The following SPINK2 variants were observed in gnomAD, a reference collection of about 807,000 sequenced individuals.
The protein encoded by SPINK2 is serine protease inhibitor Kazal-type 2.
Under a neutral mutation model 13.5 loss-of-function variants are expected in SPINK2, and 8 were observed. The ratio of observed to expected loss-of-function variants is 0.59; its 90% CI spans 0.35 to 1.07. The LOEUF (loss-of-function observed/expected upper bound fraction) is 1.07, where lower values mean the gene tolerates loss of function less well. Ranked by LOEUF, SPINK2 falls within the 50% of genes least tolerant of loss-of-function variation. The pLI, the probability that SPINK2 is intolerant of heterozygous loss-of-function variation, is 0.02. For missense variants in SPINK2, 148 were observed against 180.3 expected (o/e 0.82, Z 1.03); for synonymous variants, 76 against 74.7 (o/e 1.02, Z -0.09).
intron 2 of SPINK2, among the ~76,000 whole-genome samples, chr4:56,813,406 G>A (rs112342541): frequency 0.02 from 3,014 of 152,158 alleles, 38 homozygotes; most frequent in Middle Eastern, 0.044. Context: ...TCTAGAGCAG[G>A]GGTTTCCAAC....
chr4:56,815,558 G>A (rs1457761887), intron 2 of SPINK2, among the ~76,000 whole-genome samples: 2 of 151,964 alleles, frequency 1.3e-5, no homozygotes, highest in African/African-American at 4.8e-5. Flanking sequence ...AAATTAGCCA[G>A]GCGTGGTGGC....
chr4:56,815,039 C>A (rs2899072), intron 2 of SPINK2, among the ~76,000 whole-genome samples: 96,834 of 150,336 alleles, frequency 0.64, 31,794 homozygotes, highest in African/African-American at 0.75. Context: ...GAGCCAAGAT[C>A]ACTCCATTGC....
chr4:56,813,183 G>A (rs538683219), intron 2 of SPINK2, among the ~76,000 whole-genome samples: 1 of 152,062 alleles, frequency 6.6e-6, no homozygotes, highest in East Asian at 1.9e-4. Flanking sequence ...ATTAGCTGGG[G>A]GTGGTGGCGC....
Position 56,821,529 on chromosome 4 carries a change from C to T in SPINK2, c.134G>A (p.Cys45Tyr). 2 of 1,545,148 alleles carry T rather than the reference C, an allele frequency of 1.3e-6. No homozygotes were observed. Among genetic ancestry groups the T allele is most frequent in the Non-Finnish European group, 1.7e-6 (2 of 1,146,534 alleles). Reference sequence around the variant, plus strand: ...GTCGCCGAGGCCGCCCGGAGCAGGGCAGGGTCCGCCGCCGGTCTGACTCCC... The same window carrying T: ...GTCGCCGAGGCCGCCCGGAGCAGGGTAGGGTCCGCCGCCGGTCTGACTCCC... ...GFGSQTGGGP[C>Y]PAPGGLGDGT... Residue 45 changes from cysteine (C) to tyrosine (Y), a missense_variant, in exon 1 of 4, where the codon TGC (cysteine) becomes TAC (tyrosine). Physicochemically the swap from Cys to Tyr is radical, Grantham distance 194. Coordinates refer to ENST00000506738, the MANE Select transcript of SPINK2 (RefSeq NM_001271718.2).
At chr4:56,812,975 C>T (rs969666984) in intron 2 of SPINK2, among the ~76,000 whole-genome samples, 11 of 152,178 alleles carry the variant, frequency 7.2e-5, no homozygotes, top group Admixed American at 2.6e-4. Flanking sequence ...ACTTCCTCTC[C>T]ACTCTCTGGA....
At chr4:56,819,866 C>T (rs1717785783) in intron 2 of SPINK2, among the ~76,000 whole-genome samples, 2 of 152,104 alleles carry the variant, frequency 1.3e-5, no homozygotes, top group South Asian at 2.1e-4. Context: ...CTGCCCACCT[C>T]GGCCTCCCAA....
In SPINK2 at chr4:56,812,427, T is replaced by C. The variant is rs190969883; in HGVS notation, c.250-633A>G. 2.6e-5 allele frequency among the ~76,000 whole-genome samples: 4 copies of C among 151,202 alleles called. No homozygotes were observed. The East Asian group carries it at 8.0e-4, about 30-fold the overall frequency. On this transcript the variant is annotated intron_variant, in intron 2 of 3. Transcript: ENST00000506738. The stretch of plus-strand genomic sequence containing the variant: ...AAAATTAGCCGGGCACGGTGGCGCA[T>C]GCCTGTAATCCCAGCTACTCGGGAG...
chr4:56,810,093 G>C lies in SPINK2; in HGVS notation c.*46C>G. ...AGGGGAAATGCAATTTATCTAGTCT[G>C]CCAGTGAAGGTGGTCTCTCCATCTT... is the stretch of plus-strand genomic sequence containing the variant. On this transcript the variant is annotated 3_prime_UTR_variant, in exon 4 of 4. Coordinates refer to ENST00000506738, the MANE Select transcript of SPINK2 (RefSeq NM_001271718.2). The C allele has an allele frequency of 2.5e-6, 4 of 1,572,598 alleles. No individual in the cohort carries two copies. The highest frequency in any genetic ancestry group is 3.5e-6 in the Non-Finnish European group (4 of 1,159,032).
At chr4:56,818,884 C>T (rs1717688123) in intron 2 of SPINK2, among the ~76,000 whole-genome samples, 1 of 152,140 alleles carries the variant, frequency 6.6e-6, no homozygotes, top group South Asian at 2.1e-4. Flanking sequence ...GAAGACTGAG[C>T]AACAAATAGC....
chr4:56,821,472 G>A lies in SPINK2; in HGVS notation c.191C>T (p.Pro64Leu). 6.5e-7 allele frequency: 1 copy of A among 1,528,782 alleles called. No homozygotes were observed. The highest frequency in any genetic ancestry group is 8.8e-7 in the Non-Finnish European group (1 of 1,142,788). 94.7% of individuals were successfully genotyped at this position (1,528,782 alleles called of 1,614,324 possible). A position where few individuals can be genotyped will look rare whatever the true frequency, so the allele number is the denominator to read the frequency against. Reference protein sequence around the residue: ...GTRAPVTGGSPEDLPASLIPQ... With the variant: ...GTRAPVTGGSLEDLPASLIPQ... ...CGTTCCTCCACCTGGCAGGTCCTCT[G>A]GGGAACCGCCAGTAACGGGCGCGCG... Residue 64 changes from proline (P) to leucine (L), a missense_variant, in exon 1 of 4, where the codon CCA becomes CTA. Pro to Leu is a moderately conservative substitution (Grantham distance 98). Coordinates refer to ENST00000506738, the MANE Select transcript of SPINK2 (RefSeq NM_001271718.2).
intron 1 of SPINK2, 179 bp downstream of exon 1, chr4:56,821,279 T>A: frequency 1.0e-6 from 1 of 984,722 alleles, no homozygotes; most frequent in Non-Finnish European, 1.2e-6. Flanking sequence ...ATCTCCTCCC[T>A]TGGGACCATA....
At chr4:56,821,252 A>G in intron 1 of SPINK2, 3 of 965,482 alleles carry the variant, frequency 3.1e-6, no homozygotes, top group Non-Finnish European at 3.7e-6. Flanking sequence ...AGCATCCACA[A>G]TTCCTCATTC....
intron 2 of SPINK2, among the ~76,000 whole-genome samples, chr4:56,816,931 G>A (rs2109441004): frequency 6.6e-6 from 1 of 151,854 alleles, no homozygotes; most frequent in East Asian, 1.9e-4. Context: ...AAGACCAGGT[G>A]CGGTGGCTCA....
At chr4:56,811,307 G>A (rs1716953498) in intron 3 of SPINK2, among the ~76,000 whole-genome samples, 1 of 152,050 alleles carries the variant, frequency 6.6e-6, no homozygotes, top group South Asian at 2.1e-4. Flanking sequence ...TACCCCCTAA[G>A]TAATCAAAAT....
At chr4:56,820,499 G>GT in intron 2 of SPINK2, 37 bp downstream of exon 2, 1 of 1,566,782 alleles carries the variant, frequency 6.4e-7, no homozygotes, top group East Asian at 2.2e-5. Context: ...GGGCTTCACT[G>GT]TATTAGTAGA....
chr4:56,821,444 T>G lies in SPINK2; in HGVS notation c.205+14A>C, dbSNP rs1431022071. 1.3e-5 allele frequency: 20 copies of G among 1,504,520 alleles called. No individual in the cohort carries two copies. The East Asian group carries it at 4.8e-4, about 36-fold the overall frequency. 93.2% of individuals were successfully genotyped at this position (1,504,520 alleles called of 1,614,324 possible). A position where few individuals can be genotyped will look rare whatever the true frequency, so the allele number is the denominator to read the frequency against. On this transcript the variant is annotated intron_variant, in intron 1 of 3. Coordinates refer to ENST00000506738, the MANE Select transcript of SPINK2 (RefSeq NM_001271718.2). ...CAAAGCCACCCCCACAACCCCCAGTTCGCGTTCCTCCACCTGGCAGGTCCT... is the reference window on the plus strand; with the variant it reads ...CAAAGCCACCCCCACAACCCCCAGTGCGCGTTCCTCCACCTGGCAGGTCCT...
chr4:56,814,909 C>T (rs147462575), intron 2 of SPINK2, among the ~76,000 whole-genome samples: 70 of 148,214 alleles, frequency 4.7e-4, no homozygotes, highest in African/African-American at 1.6e-3. Context: ...GGCAGTGAGC[C>T]GAGATCATGC....
intron 2 of SPINK2, 25 bp from the exon 3 acceptor site, chr4:56,811,819 C>A: frequency 6.7e-7 from 1 of 1,482,708 alleles, no homozygotes; most frequent in Non-Finnish European, 9.4e-7. Flanking sequence ...GAGAGAAATT[C>A]GAGAATGACT....
chr4:56,811,224 CTCTT>C (rs1429780125), intron 3 of SPINK2, among the ~76,000 whole-genome samples: 1 of 152,186 alleles, frequency 6.6e-6, no homozygotes, highest in African/African-American at 2.4e-5. Context: ...GATTTTGCAT[CTCTT>C]TAAGCATGAC....
Sources: gnomAD v4.1 joint callset for allele counts (sites outside exome capture counted in the v4.1 genomes callset) on GRCh38, gnomAD v4.1.1 for gene constraint, MANE v1.5 for transcripts, NCBI Gene and HGNC (gene_info 2026-07-23, HGNC 2026-07-21) for gene names.